The following GRM7 variants were observed in gnomAD, a reference collection of about 807,000 sequenced individuals.
GRM7 encodes glutamate metabotropic receptor 7, also known as metabotropic glutamate receptor 7.
GRM7 carries 35 observed loss-of-function variants against 84.5 expected under a neutral mutation model. The ratio of observed to expected loss-of-function variants is 0.41; its 90% CI spans 0.32 to 0.55. GRM7 has a LOEUF of 0.55. GRM7 is among the 20% of genes least tolerant of loss of function. GRM7 has a pLI of 0.19. For synonymous variants in GRM7, 487 were observed against 455.1 expected, an observed-to-expected ratio of 1.07 and a Z score of -0.89; for missense variants, 1,003 against 1,194.6, an observed-to-expected ratio of 0.84 and a Z score of 2.36.
At chr3:7,602,612 A>G (rs912285991) in intron 8 of GRM7, among the ~76,000 whole-genome samples, 7 of 152,256 alleles carry the variant, frequency 4.6e-5, no homozygotes, top group Middle Eastern at 3.4e-3. Flanking sequence ...TTAGCCTTCC[A>G]TTGATTTCCA....
chr3:7,545,171 C>T (rs1043859841), intron 7 of GRM7, among the ~76,000 whole-genome samples: 65 of 152,328 alleles, frequency 4.3e-4, no homozygotes, highest in African/African-American at 1.5e-3. Context: ...TTTGCTTCCA[C>T]TTCTGAAACT....
chr3:7,271,815 T>G (rs7609826), intron 2 of GRM7, among the ~76,000 whole-genome samples: 82,223 of 151,464 alleles, frequency 0.54, 22,925 homozygotes, highest in African/African-American at 0.67. Context: ...CTCAAGCAAG[T>G]ACTTCTCAAC....
intron 7 of GRM7, among the ~76,000 whole-genome samples, chr3:7,505,993 C>T (rs1158760105): frequency 2.0e-5 from 3 of 152,220 alleles, no homozygotes; most frequent in African/African-American, 4.8e-5. Flanking sequence ...TTGCACTCTG[C>T]TTCCCTTGTA....
At chr3:7,031,949 G>A (rs1696201495) in intron 1 of GRM7, among the ~76,000 whole-genome samples, 1 of 152,062 alleles carries the variant, frequency 6.6e-6, no homozygotes, top group Non-Finnish European at 1.5e-5. Flanking sequence ...TCTGACCTGT[G>A]CCCTATCCCT....
chr3:7,390,436 A>G (rs2125140702), intron 4 of GRM7, among the ~76,000 whole-genome samples: 1 of 152,200 alleles, frequency 6.6e-6, no homozygotes, highest in East Asian at 1.9e-4. Context: ...ATCCTCACAT[A>G]TTGTTTCTAA....
chr3:7,618,970 AT>A (rs2125086458), intron 8 of GRM7, among the ~76,000 whole-genome samples: 1 of 152,278 alleles, frequency 6.6e-6, no homozygotes, highest in African/African-American at 2.4e-5. Context: ...CAAAAAAAGA[AT>A]TTATTTTCAG....
intron 1 of GRM7, among the ~76,000 whole-genome samples, chr3:7,107,178 C>G (rs1407540620): frequency 6.6e-6 from 1 of 151,962 alleles, no homozygotes; most frequent in Non-Finnish European, 1.5e-5. Flanking sequence ...GATAGAGATA[C>G]TCGGCCAAGC....
Position 6,908,979 on chromosome 3 carries a change from T to C in GRM7, c.519+47072T>C, listed in dbSNP as rs1369603010. Among the ~76,000 whole-genome samples, 4 of 152,282 alleles carry C rather than the reference T, an allele frequency of 2.6e-5. No individual in the cohort carries two copies. In the East Asian group the frequency reaches 7.7e-4, roughly 29 times the overall value. Reference sequence around the variant, plus strand: ...CTTTAAATTCATGATCGACATCATATATTATAATTCAGTACCATTCATCAT... The same window carrying C: ...CTTTAAATTCATGATCGACATCATACATTATAATTCAGTACCATTCATCAT... On this transcript the variant is annotated intron_variant, in intron 1 of 9. Coordinates refer to ENST00000357716, the MANE Select transcript of GRM7 (RefSeq NM_000844.4).
At chr3:7,686,524 CTG>C (rs1300113317) in intron 9 of GRM7, 7 of 707,426 alleles carry the variant, frequency 9.9e-6, no homozygotes, top group Middle Eastern at 2.5e-4. Flanking sequence ...TCCATGGAAA[CTG>C]TGCATGATTA....
At chr3:7,436,384 C>G (rs1157946338) in intron 5 of GRM7, among the ~76,000 whole-genome samples, 1 of 151,940 alleles carries the variant, frequency 6.6e-6, no homozygotes, top group Non-Finnish European at 1.5e-5. Flanking sequence ...CAGTCTTTGT[C>G]TTACCTTCTT....
At chr3:7,311,027 T>C (rs1196859027) in intron 4 of GRM7, among the ~76,000 whole-genome samples, 1 of 152,164 alleles carries the variant, frequency 6.6e-6, no homozygotes, top group Non-Finnish European at 1.5e-5. Context: ...GAAGCATCTG[T>C]CACATATAAT....
chr3:7,334,139 C>T (rs111589479), intron 4 of GRM7, among the ~76,000 whole-genome samples: 5,960 of 152,112 alleles, frequency 0.039, 244 homozygotes, highest in African/African-American at 0.11. Context: ...AAAAGATGAT[C>T]ACCTAGGCAC....
At chr3:7,014,120 G>A (rs1695481387) in intron 1 of GRM7, among the ~76,000 whole-genome samples, 1 of 152,080 alleles carries the variant, frequency 6.6e-6, no homozygotes, top group South Asian at 2.1e-4. Context: ...GTGGATGCCT[G>A]TCTTAAAGTA....
intron 1 of GRM7, among the ~76,000 whole-genome samples, chr3:7,110,320 G>T (rs909330492): frequency 1.4e-4 from 21 of 151,984 alleles, no homozygotes; most frequent in Admixed American, 3.3e-4. Context: ...ACTGATTCAG[G>T]CCAGGCACGG....
At chr3:7,577,926 T>A (rs1695041242) in intron 7 of GRM7, among the ~76,000 whole-genome samples, 1 of 152,240 alleles carries the variant, frequency 6.6e-6, no homozygotes, top group South Asian at 2.1e-4. Context: ...AGAACATTTT[T>A]AAAAAATAAA....
chr3:7,372,853 A>G (rs779427978), intron 4 of GRM7, among the ~76,000 whole-genome samples: 32 of 151,972 alleles, frequency 2.1e-4, no homozygotes, highest in Admixed American at 6.6e-5. Context: ...AAAAGCAGAA[A>G]GCTTTTTTTT....
At chr3:7,166,955 GTTA>G (rs1219028502) in intron 2 of GRM7, among the ~76,000 whole-genome samples, 1 of 152,092 alleles carries the variant, frequency 6.6e-6, no homozygotes, top group Non-Finnish European at 1.5e-5. Context: ...GTATATTTCA[GTTA>G]TTATGAAATA....
At chr3:6,931,845 G>A (rs150086650) in intron 1 of GRM7, among the ~76,000 whole-genome samples, 3 of 152,338 alleles carry the variant, frequency 2.0e-5, no homozygotes, top group South Asian at 2.1e-4. Context: ...ACGCTGGAAT[G>A]CATTCAAGTT....
intron 1 of GRM7, among the ~76,000 whole-genome samples, chr3:6,869,674 AAC>A (rs113789601): frequency 0.033 from 4,969 of 151,136 alleles, 271 homozygotes; most frequent in African/African-American, 0.11. Flanking sequence ...AGTGAGAGAT[AAC>A]ACACACACAC....
Sources: allele counts gnomAD v4.1 joint callset (sites outside exome capture counted in the v4.1 genomes callset), GRCh38; gene constraint gnomAD v4.1.1; transcripts MANE v1.5; gene names NCBI Gene and HGNC (gene_info 2026-07-23, HGNC 2026-07-21).